ADARB2: variants seen among roughly 807,000 people sequenced by gnomAD.
ADARB2 encodes the protein adenosine deaminase RNA specific B2 (inactive).
A neutral mutation model predicts 62.2 loss-of-function variants in ADARB2; 25 were observed. The observed-to-expected ratio is 0.40, with a 90% CI of 0.29 to 0.56. ADARB2 has a LOEUF of 0.56. Among genes scored for constraint, ADARB2 ranks in the 20% least tolerant of loss-of-function variants. The probability of loss-of-function intolerance (pLI) is 0.43; values close to 1 mark genes in which losing one functional copy is unlikely to be tolerated. For synonymous variants in ADARB2, 572 were observed against 500.8 expected (o/e 1.14, Z -1.90); for missense variants, 1,071 against 1,077.4 (o/e 0.99, Z 0.08).
intron 1 of ADARB2, among the ~76,000 whole-genome samples, chr10:1,616,553 G>A (rs1041406141): frequency 2.4e-5 from 2 of 82,384 alleles, no homozygotes; most frequent in Admixed American, 1.3e-4. Context: ...TTGTGTGCCC[G>A]TCCAGACACA....
intron 8 of ADARB2, among the ~76,000 whole-genome samples, chr10:1,191,352 G>C (rs1286774508): frequency 2.6e-5 from 4 of 152,228 alleles, no homozygotes; most frequent in African/African-American, 7.2e-5. Context: ...ACGTGCACCT[G>C]CTGAGTGAGG....
At chr10:1,726,440 T>A (rs1305726859) in intron 1 of ADARB2, among the ~76,000 whole-genome samples, 2 of 143,808 alleles carry the variant, frequency 1.4e-5, no homozygotes, top group African/African-American at 5.2e-5. Context: ...CCTTTTCCGT[T>A]CCCTATCCGA....
intron 1 of ADARB2, among the ~76,000 whole-genome samples, chr10:1,581,187 C>T (rs1833092454): frequency 6.6e-6 from 1 of 152,234 alleles, no homozygotes; most frequent in Non-Finnish European, 1.5e-5. Flanking sequence ...GAGAAGACTG[C>T]TGTGGGGCCA....
intron 1 of ADARB2, among the ~76,000 whole-genome samples, chr10:1,571,630 G>A (rs536207231): frequency 1.3e-5 from 2 of 152,242 alleles, no homozygotes; most frequent in Non-Finnish European, 2.9e-5. Context: ...GTGCAGGCGA[G>A]CAGGCAGGTG....
chr10:1,286,197 C>CTCTCAAACAACCCCGTCTAGACCCCG (rs1554751828), intron 3 of ADARB2, among the ~76,000 whole-genome samples: 1 of 152,178 alleles, frequency 6.6e-6, no homozygotes, highest in Non-Finnish European at 1.5e-5. Flanking sequence ...TCGAAGCCCC[C>CTCTCAAACAACCCCGTCTAGACCCCG]TCTCAAACAA....
At chr10:1,214,074 T>C (rs909565115) in intron 7 of ADARB2, among the ~76,000 whole-genome samples, 4 of 145,608 alleles carry the variant, frequency 2.7e-5, no homozygotes, top group Admixed American at 7.2e-5. Flanking sequence ...CGGTGACACA[T>C]AGGTTTGCAC....
At chr10:1,678,849 T>C (rs574654205) in intron 1 of ADARB2, among the ~76,000 whole-genome samples, 1 of 152,008 alleles carries the variant, frequency 6.6e-6, no homozygotes, top group East Asian at 1.9e-4. Flanking sequence ...TTGTCCCTCC[T>C]GGACCCTGCT....
chr10:1,577,007 T>C (rs1009657992), intron 1 of ADARB2, among the ~76,000 whole-genome samples: 2 of 152,142 alleles, frequency 1.3e-5, no homozygotes, highest in Admixed American at 1.3e-4. Flanking sequence ...GCTCAGCAGG[T>C]GCAGTGGTTG....
intron 1 of ADARB2, among the ~76,000 whole-genome samples, chr10:1,493,904 C>A (rs371052921): frequency 6.6e-6 from 1 of 151,538 alleles, no homozygotes; most frequent in Non-Finnish European, 1.5e-5. Context: ...TACAGGCGTG[C>A]GCCACTACGC....
At chr10:1,651,069 G>A (rs1266023357) in intron 1 of ADARB2, among the ~76,000 whole-genome samples, 1 of 152,210 alleles carries the variant, frequency 6.6e-6, no homozygotes, top group African/African-American at 2.4e-5. Context: ...CTCCCCTCGT[G>A]AGACAGACGG....
intron 1 of ADARB2, among the ~76,000 whole-genome samples, chr10:1,520,826 A>G (rs762666683): frequency 6.6e-6 from 1 of 152,234 alleles, no homozygotes; most frequent in Non-Finnish European, 1.5e-5. Flanking sequence ...TATTTTCTAC[A>G]CATGTTGATA....
chr10:1,420,999 T>G (rs1054030872), intron 1 of ADARB2, among the ~76,000 whole-genome samples: 12 of 151,982 alleles, frequency 7.9e-5, no homozygotes, highest in African/African-American at 2.4e-4. Context: ...CAGGGTGGTG[T>G]TACACCTCCA....
At chr10:1,290,668 T>C (rs2131810583) in intron 3 of ADARB2, 1 of 152,348 alleles carries the variant, frequency 6.6e-6, no homozygotes, top group South Asian at 2.1e-4. Context: ...CAACTGAGGG[T>C]TGACGGTTGT....
chr10:1,702,661 C>T (rs541721165), intron 1 of ADARB2, among the ~76,000 whole-genome samples: 2 of 152,216 alleles, frequency 1.3e-5, no homozygotes, highest in African/African-American at 4.8e-5. Flanking sequence ...CACTGTAAGA[C>T]CTTCTGCCCC....
At chr10:1,303,560 C>T (rs1370394210) in intron 3 of ADARB2, among the ~76,000 whole-genome samples, 1 of 152,026 alleles carries the variant, frequency 6.6e-6, no homozygotes, top group Non-Finnish European at 1.5e-5. Flanking sequence ...AAGAGCAACT[C>T]CAAGACACAT....
At chr10:1,727,150 C>T (rs1835177332) in intron 1 of ADARB2, among the ~76,000 whole-genome samples, 1 of 152,210 alleles carries the variant, frequency 6.6e-6, no homozygotes, top group Non-Finnish European at 1.5e-5. Context: ...ATAATAAATT[C>T]TACAACAAGC....
chr10:1,422,033 G>T (rs2044768593), intron 1 of ADARB2, among the ~76,000 whole-genome samples: 1 of 150,064 alleles, frequency 6.7e-6, no homozygotes, highest in South Asian at 2.1e-4. Flanking sequence ...AAGCTGCTGT[G>T]AGTTAGGGAA....
At chr10:1,637,837 G>A (rs887537357) in intron 1 of ADARB2, among the ~76,000 whole-genome samples, 1 of 152,134 alleles carries the variant, frequency 6.6e-6, no homozygotes, top group South Asian at 2.1e-4. Flanking sequence ...GCCTCCTAAC[G>A]CCACTTCTGC....
intron 1 of ADARB2, among the ~76,000 whole-genome samples, chr10:1,619,463 T>C (rs1833683004): frequency 6.6e-6 from 1 of 152,184 alleles, no homozygotes; most frequent in South Asian, 2.1e-4. Context: ...AGAACATGTA[T>C]TTTTGTTTTT....
Sources: allele counts gnomAD v4.1 joint callset (sites outside exome capture counted in the v4.1 genomes callset), GRCh38; gene constraint gnomAD v4.1.1; transcripts MANE v1.5; gene names NCBI Gene and HGNC (gene_info 2026-07-23, HGNC 2026-07-21).